AHCYL2: variants seen among roughly 807,000 people sequenced by gnomAD.
AHCYL2 encodes S-adenosylhomocysteine hydrolase-like protein 2.
Under a neutral mutation model 81.4 loss-of-function variants are expected in AHCYL2, and 28 were observed. The observed-to-expected ratio is 0.34, with a 90% CI of 0.25 to 0.47. The LOEUF (loss-of-function observed/expected upper bound fraction) is 0.47. Among genes scored for constraint, AHCYL2 ranks in the 20% least tolerant of loss-of-function variants. The pLI is 1.00. For synonymous variants in AHCYL2, 272 were observed against 290.2 expected (o/e 0.94, Z 0.64); for missense variants, 551 against 785.1 (o/e 0.70, Z 3.56).
chr7:129,289,593 A>T (rs188287271), intron 1 of AHCYL2, among the ~76,000 whole-genome samples: 109 of 152,156 alleles, frequency 7.2e-4, no homozygotes, highest in African/African-American at 2.5e-3. Context: ...CAGGATGAAT[A>T]TTTTGTTCTT....
chr7:129,230,698 G>C lies in AHCYL2; in HGVS notation c.363+5259G>C, dbSNP rs570710929. On this transcript the variant is annotated intron_variant, in intron 1 of 16. Coordinates refer to ENST00000325006, the MANE Select transcript of AHCYL2 (RefSeq NM_015328.4). ...AGTGATTCTTCTGCCTCAGCCTCCC[G>C]AGTAGCTGGGACTACAGGTGCACGC... is the stretch of plus-strand genomic sequence containing the variant. Among the ~76,000 whole-genome samples the C allele has an allele frequency of 8.8e-4, 132 of 150,178 alleles. 1 individual carries two copies. Among genetic ancestry groups the C allele is most frequent in the African/African-American group, 3.0e-3 (121 of 40,820 alleles).
chr7:129,263,524 G>A (rs1260872523), intron 1 of AHCYL2, among the ~76,000 whole-genome samples: 2 of 152,198 alleles, frequency 1.3e-5, no homozygotes, highest in Non-Finnish European at 2.9e-5. Flanking sequence ...GGGAGCATCT[G>A]GTGACTGTGT....
At chr7:129,405,795 A>C in intron 8 of AHCYL2, 41 bp from the exon 9 acceptor site, 1 of 1,576,286 alleles carries the variant, frequency 6.3e-7, no homozygotes, top group Non-Finnish European at 8.7e-7. Flanking sequence ...AGGGAGAAAC[A>C]AGAGAAGATT....
At chr7:129,373,525 G>A (rs527816015) in intron 1 of AHCYL2, among the ~76,000 whole-genome samples, 141 of 152,052 alleles carry the variant, frequency 9.3e-4, no homozygotes, top group African/African-American at 3.2e-3. Flanking sequence ...ACTTGACCCC[G>A]GGAGGTGGAG....
intron 4 of AHCYL2, among the ~76,000 whole-genome samples, chr7:129,396,852 T>C (rs1331457772): frequency 6.6e-6 from 1 of 152,226 alleles, no homozygotes; most frequent in Non-Finnish European, 1.5e-5. Context: ...TCCTAGTAGC[T>C]ACCCAGCTTT....
Position 129,230,079 on chromosome 7 carries a change from CT to C in AHCYL2, c.363+4663del, listed in dbSNP as rs35056717. On this transcript the variant is annotated intron_variant, in intron 1 of 16. Coordinates refer to ENST00000325006, the MANE Select transcript of AHCYL2 (RefSeq NM_015328.4). ...TTTACATATACTGTTTTATTTAATT[CT>C]TTTTTTTTTTTTTTTTTTTTTTGAG... Among the ~76,000 whole-genome samples, 898 of 109,440 alleles carry C rather than the reference CT, an allele frequency of 8.2e-3. 2 individuals are homozygous for C. The highest frequency in any genetic ancestry group is 0.021 in the African/African-American group (602 of 28,772). 71.8% of individuals were successfully genotyped at this position (109,440 alleles called of 152,430 possible). A position where few individuals can be genotyped will look rare whatever the true frequency, so the allele number is the denominator to read the frequency against.
chr7:129,365,401 G>C (rs1280091065), intron 1 of AHCYL2, among the ~76,000 whole-genome samples: 1 of 152,088 alleles, frequency 6.6e-6, no homozygotes, highest in Non-Finnish European at 1.5e-5. Flanking sequence ...ACTCCTTAGA[G>C]TATGTACCCT....
intron 1 of AHCYL2, among the ~76,000 whole-genome samples, chr7:129,327,782 A>C (rs1584787902): frequency 1.3e-5 from 2 of 151,684 alleles, no homozygotes; most frequent in East Asian, 3.9e-4. Context: ...AGATATTTTA[A>C]TATTTTAATT....
At chr7:129,387,453 C>T (rs979152952) in intron 2 of AHCYL2, among the ~76,000 whole-genome samples, 2 of 152,108 alleles carry the variant, frequency 1.3e-5, no homozygotes, top group Admixed American at 6.5e-5. Context: ...AACACATGAC[C>T]GCTATATTTA....
intron 1 of AHCYL2, among the ~76,000 whole-genome samples, chr7:129,272,475 G>A (rs1311301418): frequency 6.6e-6 from 1 of 152,188 alleles, no homozygotes; most frequent in Non-Finnish European, 1.5e-5. Context: ...TTGAAATAAG[G>A]TGCTGCCAAA....
intron 1 of AHCYL2, among the ~76,000 whole-genome samples, chr7:129,267,000 C>G (rs1437007581): frequency 6.7e-6 from 1 of 150,182 alleles, no homozygotes; most frequent in African/African-American, 2.5e-5. Context: ...GTTGTGGAGA[C>G]ATAGTAAATT....
chr7:129,284,336 G>A (rs1484648807), intron 1 of AHCYL2, among the ~76,000 whole-genome samples: 4 of 152,232 alleles, frequency 2.6e-5, no homozygotes, highest in African/African-American at 9.6e-5. Context: ...GGTGGCTCAC[G>A]CCTGTAATCC....
intron 1 of AHCYL2, among the ~76,000 whole-genome samples, chr7:129,329,753 AAG>A (rs1798352412): frequency 6.6e-6 from 1 of 152,216 alleles, no homozygotes; most frequent in South Asian, 2.1e-4. Flanking sequence ...GGTTTTTGTG[AAG>A]AGCAGATAAG....
At chr7:129,247,851 TTC>T (rs1795114002) in intron 1 of AHCYL2, among the ~76,000 whole-genome samples, 1 of 152,142 alleles carries the variant, frequency 6.6e-6, no homozygotes, top group South Asian at 2.1e-4. Context: ...ATCTGCCCAC[TTC>T]TGCCTCCCAA....
chr7:129,333,890 C>T (rs930851160), intron 1 of AHCYL2, among the ~76,000 whole-genome samples: 3 of 151,904 alleles, frequency 2.0e-5, no homozygotes, highest in Non-Finnish European at 2.9e-5. Flanking sequence ...TTTTCATGGC[C>T]CAGTCTTCAT....
At chr7:129,303,659 C>T (rs1188397708) in intron 1 of AHCYL2, among the ~76,000 whole-genome samples, 1 of 151,854 alleles carries the variant, frequency 6.6e-6, no homozygotes, top group Admixed American at 6.6e-5. Flanking sequence ...TTTATTTCTC[C>T]TCTGATCTTT....
chr7:129,388,015 G>C (rs1164652596), intron 2 of AHCYL2: 2 of 152,170 alleles, frequency 1.3e-5, no homozygotes, highest in African/African-American at 4.8e-5. Context: ...TCTCAGAAAT[G>C]CCTTAATTCT....
intron 1 of AHCYL2, among the ~76,000 whole-genome samples, chr7:129,319,224 G>A (rs575105954): frequency 2.0e-5 from 3 of 152,166 alleles, no homozygotes; most frequent in Non-Finnish European, 4.4e-5. Context: ...GGGAGGCCAA[G>A]GCAGGTGGAT....
intron 1 of AHCYL2, among the ~76,000 whole-genome samples, chr7:129,307,392 C>T (rs1240241384): frequency 6.6e-6 from 1 of 152,096 alleles, no homozygotes; most frequent in Non-Finnish European, 1.5e-5. Context: ...ACCACCACCA[C>T]CACAGGCCTA....
Sources: gnomAD v4.1 joint callset for allele counts (sites outside exome capture counted in the v4.1 genomes callset) on GRCh38, gnomAD v4.1.1 for gene constraint, MANE v1.5 for transcripts, NCBI Gene and HGNC (gene_info 2026-07-23, HGNC 2026-07-21) for gene names.